Variants in FTO observed in about 807,000 individuals in gnomAD.
FTO encodes the protein alpha-ketoglutarate-dependent dioxygenase FTO.
A neutral mutation model predicts 63.9 loss-of-function variants in FTO; 47 were observed. The observed-to-expected ratio is 0.74, with a 90% confidence interval of 0.58 to 0.94. The LOEUF (loss-of-function observed/expected upper bound fraction) is 0.94, where lower values mean the gene tolerates loss of function less well. Ranked by LOEUF, FTO falls within the 40% of genes least tolerant of loss-of-function variation. FTO has a pLI of 0.00. For synonymous variants in FTO, 207 were observed against 224.4 expected (o/e 0.92, Z 0.69); for missense variants, 562 against 618.1 (o/e 0.91, Z 0.96).
intron 7 of FTO, among the ~76,000 whole-genome samples, chr16:53,904,778 T>C (rs968577530): frequency 3.9e-5 from 6 of 152,148 alleles, no homozygotes; most frequent in African/African-American, 1.4e-4. Context: ...CCTTCTGATA[T>C]GATGAGCCTC....
At chr16:53,848,392 G>T (rs1044325457) in intron 4 of FTO, among the ~76,000 whole-genome samples, 1 of 152,098 alleles carries the variant, frequency 6.6e-6, no homozygotes, top group South Asian at 2.1e-4. Context: ...GGAACGTGTC[G>T]GGTGCCTGTA....
chr16:53,816,504 C>T, intron 2 of FTO, among the ~76,000 whole-genome samples: 1 of 151,972 alleles, frequency 6.6e-6, no homozygotes, highest in Admixed American at 6.6e-5. Context: ...TCCCCACCCC[C>T]CCTCACACTT....
At chr16:53,946,882 A>G (rs916998023) in intron 8 of FTO, among the ~76,000 whole-genome samples, 1 of 152,162 alleles carries the variant, frequency 6.6e-6, no homozygotes, top group Non-Finnish European at 1.5e-5. Context: ...CACAGTAATG[A>G]TATTGTTAGC....
intron 8 of FTO, among the ~76,000 whole-genome samples, chr16:53,980,699 G>T (rs2083522142): frequency 6.6e-6 from 1 of 152,162 alleles, no homozygotes; most frequent in South Asian, 2.1e-4. Context: ...ATCTGTTAGG[G>T]ACAGGCTTTT....
rs138327496 is a variant in FTO, at chr16:54,112,141, A to G, written c.*226A>G. On this transcript the variant is annotated 3_prime_UTR_variant, in exon 9 of 9. Transcript: ENST00000471389. Reference sequence around the variant, plus strand: ...TGTTAAACAGGACCTTCTTCCCCCAAAATTGTTCAGATTATAAAATGTGAG... The same window carrying G: ...TGTTAAACAGGACCTTCTTCCCCCAGAATTGTTCAGATTATAAAATGTGAG... 2 of 556,752 alleles carry G rather than the reference A, an allele frequency of 3.6e-6. No homozygotes were observed. The highest frequency in any genetic ancestry group is 2.0e-5 in the South Asian group (1 of 49,572). The allele number at this position is 556,752 out of a possible 1,614,324, so 34.5% of individuals were successfully genotyped here. A position where few individuals can be genotyped will look rare whatever the true frequency, so the allele number is the denominator to read the frequency against.
chr16:53,943,124 T>C (rs1014372396), intron 8 of FTO, among the ~76,000 whole-genome samples: 1 of 151,690 alleles, frequency 6.6e-6, no homozygotes, highest in African/African-American at 2.4e-5. Context: ...TCCAGATTAC[T>C]CCATAAAACC....
intron 8 of FTO, among the ~76,000 whole-genome samples, chr16:53,973,424 G>T (rs1370504668): frequency 3.3e-5 from 5 of 152,206 alleles, no homozygotes; most frequent in African/African-American, 1.2e-4. Context: ...TTCATTTGGG[G>T]TGAAGTCACA....
chr16:53,712,927 CA>C (rs1206754342), intron 1 of FTO, among the ~76,000 whole-genome samples: 3 of 150,162 alleles, frequency 2.0e-5, no homozygotes, highest in Non-Finnish European at 4.4e-5. Context: ...TGATAGTCTC[CA>C]AAAAAGTAGA....
intron 8 of FTO, among the ~76,000 whole-genome samples, chr16:54,102,235 A>G (rs1299196228): frequency 6.6e-6 from 1 of 152,208 alleles, no homozygotes; most frequent in Non-Finnish European, 1.5e-5. Context: ...TCCTGGACAT[A>G]GGAATGGACA....
chr16:53,843,202 T>C (rs887473198), intron 3 of FTO, among the ~76,000 whole-genome samples: 1 of 152,214 alleles, frequency 6.6e-6, no homozygotes, highest in African/African-American at 2.4e-5. Context: ...TGCTCAACAG[T>C]CATTTTACAA....
chr16:53,906,485 C>T (rs927146016), intron 7 of FTO, among the ~76,000 whole-genome samples: 5 of 151,966 alleles, frequency 3.3e-5, no homozygotes, highest in Non-Finnish European at 5.9e-5. Context: ...GTGGGGGACT[C>T]GGGAGGGAAA....
At chr16:53,894,884 A>C (rs2081239331) in intron 7 of FTO, among the ~76,000 whole-genome samples, 2 of 152,130 alleles carry the variant, frequency 1.3e-5, no homozygotes, top group African/African-American at 4.8e-5. Context: ...GAGGTGGATA[A>C]AGAGTCATAA....
intron 8 of FTO, among the ~76,000 whole-genome samples, chr16:54,065,383 C>G (rs919786553): frequency 6.6e-6 from 1 of 151,878 alleles, no homozygotes; most frequent in Non-Finnish European, 1.5e-5. Context: ...AGGCTGGTCT[C>G]GAACTCCTGG....
chr16:53,944,731 G>A (rs2082616530), intron 8 of FTO, among the ~76,000 whole-genome samples: 1 of 152,122 alleles, frequency 6.6e-6, no homozygotes, highest in Admixed American at 6.6e-5. Context: ...ATTTCATAGG[G>A]TTGATTAAGT....
chr16:54,075,077 T>C (rs1452366846), intron 8 of FTO, among the ~76,000 whole-genome samples: 2 of 152,308 alleles, frequency 1.3e-5, no homozygotes, highest in Admixed American at 1.3e-4. Flanking sequence ...TTCTATTTCT[T>C]CGTTTGTGAA....
At chr16:53,967,093 G>A (rs565571545) in intron 8 of FTO, among the ~76,000 whole-genome samples, 8 of 152,270 alleles carry the variant, frequency 5.3e-5, no homozygotes, top group Admixed American at 1.3e-4. Context: ...ATTCCGCTGC[G>A]CAGTGGTGCC....
chr16:53,794,049 C>CG (rs1351935952), intron 1 of FTO, among the ~76,000 whole-genome samples: 2 of 151,992 alleles, frequency 1.3e-5, no homozygotes, highest in Non-Finnish European at 2.9e-5. Context: ...ATGAACTTGC[C>CG]AAAGATTTAA....
chr16:53,904,031 A>G (rs1268651338), intron 7 of FTO, among the ~76,000 whole-genome samples: 1 of 151,852 alleles, frequency 6.6e-6, no homozygotes, highest in East Asian at 1.9e-4. Context: ...CATAGACAAT[A>G]TACATATATG....
chr16:54,069,736 T>C (rs573115917), intron 8 of FTO, among the ~76,000 whole-genome samples: 1 of 152,264 alleles, frequency 6.6e-6, no homozygotes, highest in East Asian at 1.9e-4. Context: ...AGGGTTGAAA[T>C]TGACTCACTG....
Sources: allele counts gnomAD v4.1 joint callset (sites outside exome capture counted in the v4.1 genomes callset), GRCh38; gene constraint gnomAD v4.1.1; transcripts MANE v1.5; gene names NCBI Gene and HGNC (gene_info 2026-07-23, HGNC 2026-07-21).